The following LINGO2 variants were observed in gnomAD, a reference collection of about 807,000 sequenced individuals.
LINGO2 encodes leucine-rich repeat and immunoglobulin-like domain-containing nogo receptor-interacting protein 2.
Under a neutral mutation model 30.6 loss-of-function variants are expected in LINGO2, and 14 were observed. That is an observed-to-expected ratio of 0.46 (90% CI 0.30 to 0.72). The LOEUF (loss-of-function observed/expected upper bound fraction) is 0.72, where lower values mean the gene tolerates loss of function less well. Ranked by LOEUF, LINGO2 falls within the 30% of genes least tolerant of loss-of-function variation. LINGO2 has a pLI of 0.07. For missense variants in LINGO2, 729 were observed against 751.7 expected (o/e 0.97, Z 0.35); for synonymous variants, 317 against 288.5 (o/e 1.10, Z -1.00).
chr9:27,980,207 CAAGA>C (rs2118891426), intron 5 of LINGO2, among the ~76,000 whole-genome samples: 1 of 152,026 alleles, frequency 6.6e-6, no homozygotes, highest in East Asian at 1.9e-4. Context: ...AAACACAGTT[CAAGA>C]AAGACACAGC....
At chr9:28,787,712 A>C in the LINGO2 span, among the ~76,000 whole-genome samples, 35 of 152,174 alleles carry the variant, frequency 2.3e-4, no homozygotes, top group Admixed American at 2.1e-3. Flanking sequence ...ATAAAGATAA[A>C]TAATTTAAGT....
intron 1 of LINGO2, among the ~76,000 whole-genome samples, chr9:28,620,375 T>C (rs962211106): frequency 6.6e-6 from 1 of 152,158 alleles, no homozygotes; most frequent in African/African-American, 2.4e-5. Context: ...CTGTTCAGCA[T>C]GTGATTTCAT....
At chr9:28,030,202 G>C (rs995109985) in intron 4 of LINGO2, among the ~76,000 whole-genome samples, 1 of 152,158 alleles carries the variant, frequency 6.6e-6, no homozygotes, top group East Asian at 1.9e-4. Context: ...TGAGAACTCA[G>C]GCACCAATGA....
the LINGO2 span, among the ~76,000 whole-genome samples, chr9:28,747,687 C>T: frequency 2.6e-5 from 4 of 152,078 alleles, no homozygotes; most frequent in Admixed American, 6.5e-5. Flanking sequence ...ACCCCTGTTG[C>T]ACATCCTGTG....
the LINGO2 span, among the ~76,000 whole-genome samples, chr9:28,741,554 G>A: frequency 6.6e-6 from 1 of 151,980 alleles, no homozygotes; most frequent in Non-Finnish European, 1.5e-5. Context: ...GGATATACTT[G>A]AAGCCTGAGG....
rs1307448064 is a variant in LINGO2 at position 28,178,386 on chromosome 9, C to T, written c.-87+116822G>A. On this transcript the variant is annotated intron_variant, in intron 4 of 5. Transcript: ENST00000379992. ...AAATGACTTATATAAATGAAATATA[C>T]ATTCAAAATATACATCAACATGGCA... Among the ~76,000 whole-genome samples, 3 of 152,152 alleles carry T rather than the reference C, an allele frequency of 2.0e-5. No homozygotes were observed. The East Asian group carries it at 5.8e-4, about 29-fold the overall frequency.
chr9:28,214,038 T>C (rs1348018298), intron 4 of LINGO2, among the ~76,000 whole-genome samples: 1 of 151,570 alleles, frequency 6.6e-6, no homozygotes, highest in Non-Finnish European at 1.5e-5. Context: ...ATGAGGAAAT[T>C]AATCAAAAAA....
At chr9:28,984,767 C>G in the LINGO2 span, among the ~76,000 whole-genome samples, 1 of 151,932 alleles carries the variant, frequency 6.6e-6, no homozygotes, top group Non-Finnish European at 1.5e-5. Context: ...TACATATTCA[C>G]GGGATACAAA....
At chr9:28,625,749 T>C (rs985272654) in intron 1 of LINGO2, among the ~76,000 whole-genome samples, 1 of 152,120 alleles carries the variant, frequency 6.6e-6, no homozygotes, top group Non-Finnish European at 1.5e-5. Context: ...TGTTTCCAGT[T>C]TTTGAAAATT....
intron 2 of LINGO2, among the ~76,000 whole-genome samples, chr9:28,463,271 T>A (rs1825157510): frequency 6.6e-6 from 1 of 152,050 alleles, no homozygotes; most frequent in Non-Finnish European, 1.5e-5. Context: ...TTCAATTTAG[T>A]GTGAAGAAAT....
chr9:28,096,298 A>G (rs1252639858), intron 4 of LINGO2, among the ~76,000 whole-genome samples: 1 of 152,242 alleles, frequency 6.6e-6, no homozygotes, highest in Non-Finnish European at 1.5e-5. Context: ...GTAGTAAATT[A>G]CTATCATTAA....
chr9:28,856,658 T>C, the LINGO2 span, among the ~76,000 whole-genome samples: 2 of 152,086 alleles, frequency 1.3e-5, no homozygotes, highest in African/African-American at 2.4e-5. Flanking sequence ...AGGGAAAGAC[T>C]GGAAGTAGGC....
the LINGO2 span, among the ~76,000 whole-genome samples, chr9:29,128,217 C>A: frequency 6.6e-6 from 1 of 152,104 alleles, no homozygotes; most frequent in African/African-American, 2.4e-5. Context: ...AGACACCAAA[C>A]GGGGACACCC....
At chr9:28,672,130 G>C (rs993943607), upstream of LINGO2, among the ~76,000 whole-genome samples, 1 of 151,996 alleles carries the variant, frequency 6.6e-6, no homozygotes, top group African/African-American at 2.4e-5. Flanking sequence ...CTTCCATTAG[G>C]GGGAAACAGA....
chr9:28,334,864 G>T lies in LINGO2; in HGVS notation c.-246+37972C>A, dbSNP rs1291019364. 2.6e-5 allele frequency among the ~76,000 whole-genome samples: 4 copies of T among 152,208 alleles called. No individual in the cohort carries two copies. In the East Asian group the frequency reaches 5.8e-4, roughly 22 times the overall value. On this transcript the variant is annotated intron_variant, in intron 3 of 5. Coordinates refer to ENST00000379992, the Ensembl canonical transcript of LINGO2. The stretch of plus-strand genomic sequence containing the variant: ...GAAGAGAGGATTCCCGGAGGCCTTG[G>T]CCCCATTTAAAACACCAGAATTCAG...
At chr9:28,726,572 CAATCTTTA>C in the LINGO2 span, among the ~76,000 whole-genome samples, 1 of 152,064 alleles carries the variant, frequency 6.6e-6, no homozygotes. Context: ...TAATCTGGAA[CAATCTTTA>C]AATTTGCAGA....
intron 1 of LINGO2, among the ~76,000 whole-genome samples, chr9:28,669,242 G>T (rs190663553): frequency 1.3e-3 from 203 of 152,046 alleles, no homozygotes; most frequent in Non-Finnish European, 1.9e-3. Context: ...CTGCTTCCTG[G>T]CTGTTATTGT....
the LINGO2 span, among the ~76,000 whole-genome samples, chr9:28,854,304 A>G: frequency 1.3e-5 from 2 of 152,032 alleles, no homozygotes; most frequent in Admixed American, 1.3e-4. Flanking sequence ...GCTGAAGAAG[A>G]CCACAGCTAC....
chr9:27,977,414 G>T (rs917333391), intron 5 of LINGO2, among the ~76,000 whole-genome samples: 2 of 151,626 alleles, frequency 1.3e-5, no homozygotes, highest in Admixed American at 6.6e-5. Flanking sequence ...TCGGGGGCGG[G>T]TTGGGGGGAG....
Sources: gnomAD v4.1 joint callset for allele counts (sites outside exome capture counted in the v4.1 genomes callset) on GRCh38, gnomAD v4.1.1 for gene constraint, MANE v1.5 for transcripts, NCBI Gene and HGNC (gene_info 2026-07-23, HGNC 2026-07-21) for gene names.